DPP3: variants seen among roughly 807,000 people sequenced by gnomAD.
The protein encoded by DPP3 is dipeptidyl peptidase 3, also known as DPP III.
In DPP3, 64 loss-of-function variants were observed where a neutral mutation model predicts 89.8. The ratio of observed to expected loss-of-function variants is 0.71; its 90% CI spans 0.58 to 0.88. The LOEUF is 0.88. DPP3 is among the 40% of genes least tolerant of loss of function. DPP3 has a pLI of 0.00. For synonymous variants in DPP3, 377 were observed against 404.3 expected, an observed-to-expected ratio of 0.93 and a Z score of 0.81; for missense variants, 835 against 972.5, an observed-to-expected ratio of 0.86 and a Z score of 1.88.
At chr11:66,504,970 C>T (rs1224123927) in intron 17 of DPP3, among the ~76,000 whole-genome samples, 196 bp downstream of exon 17, 1 of 152,158 alleles carries the variant, frequency 6.6e-6, no homozygotes, top group East Asian at 1.9e-4. Context: ...CCACCACCCC[C>T]CCGACACACA....
intron 16 of DPP3, among the ~76,000 whole-genome samples, chr11:66,500,641 A>C (rs1855653862): frequency 1.3e-5 from 2 of 152,240 alleles, no homozygotes; most frequent in Admixed American, 1.3e-4. Context: ...TACGAATTTT[A>C]AGAAACAGCA....
chr11:66,498,895 C>T (rs753718794), intron 16 of DPP3, among the ~76,000 whole-genome samples: 6 of 152,068 alleles, frequency 3.9e-5, no homozygotes, highest in East Asian at 1.9e-4. Context: ...CGCCTGTGGT[C>T]GCAGCCACAC....
At chr11:66,485,682 C>G (rs1181242111) in intron 3 of DPP3, among the ~76,000 whole-genome samples, 1 of 152,184 alleles carries the variant, frequency 6.6e-6, no homozygotes, top group Non-Finnish European at 1.5e-5. Context: ...AATATGCACA[C>G]AAGTCACCTG....
At chr11:66,483,257 C>T (rs1029168838) in intron 2 of DPP3, 5 of 152,114 alleles carry the variant, frequency 3.3e-5, no homozygotes, top group African/African-American at 1.2e-4. Flanking sequence ...GAACTCCTGG[C>T]CTCAAGTGAT....
chr11:66,490,776 T>TG (rs58043034), intron 6 of DPP3, among the ~76,000 whole-genome samples: 27,093 of 150,828 alleles, frequency 0.18, 3,248 homozygotes, highest in Non-Finnish European at 0.24. Context: ...TGTTTTGTTT[T>TG]TTTTTTTTTT....
At chr11:66,508,995 A>C in intron 17 of DPP3, 84 bp from the exon 18 acceptor site, 1 of 1,524,986 alleles carries the variant, frequency 6.6e-7, no homozygotes, top group Middle Eastern at 1.7e-4. Flanking sequence ...CTGCTGCTGT[A>C]ATTGTGATTA....
chr11:66,484,817 G>A (rs1855178239), intron 2 of DPP3, among the ~76,000 whole-genome samples: 2 of 152,192 alleles, frequency 1.3e-5, no homozygotes, highest in Admixed American at 1.3e-4. Context: ...CAGGTCAGAG[G>A]CTGAGGACAG....
chr11:66,503,211 C>T (rs1855722201), intron 16 of DPP3, among the ~76,000 whole-genome samples: 1 of 151,994 alleles, frequency 6.6e-6, no homozygotes. Flanking sequence ...AGGTGATCCG[C>T]CTGCCTCGGC....
intron 16 of DPP3, among the ~76,000 whole-genome samples, chr11:66,504,347 C>G (rs1405287875): frequency 6.6e-6 from 1 of 152,094 alleles, no homozygotes; most frequent in Non-Finnish European, 1.5e-5. Flanking sequence ...CTCCTCCTCC[C>G]AAGGTACTAA....
chr11:66,508,726 T>C (rs1447031230), intron 17 of DPP3, among the ~76,000 whole-genome samples: 1 of 152,130 alleles, frequency 6.6e-6, no homozygotes. Context: ...TGTTTCATCA[T>C]GTTGGCCAAG....
At chr11:66,493,253 G>C in intron 11 of DPP3, 74 bp downstream of exon 11, 1 of 1,292,864 alleles carries the variant, frequency 7.7e-7, no homozygotes, top group Non-Finnish European at 1.1e-6. Flanking sequence ...AGACAGCCCA[G>C]AGCAGTAGAG....
intron 2 of DPP3, among the ~76,000 whole-genome samples, chr11:66,483,815 A>G (rs1855152442): frequency 6.6e-6 from 1 of 151,878 alleles, no homozygotes; most frequent in Non-Finnish European, 1.5e-5. Flanking sequence ...AAGGGATTGG[A>G]TTGTTTCTCT....
intron 4 of DPP3, 21 bp downstream of exon 4, chr11:66,486,698 G>T (rs1855239350): frequency 1.3e-6 from 2 of 1,486,064 alleles, no homozygotes; most frequent in South Asian, 1.4e-5. Flanking sequence ...TGACTCCCCC[G>T]AGGGGACAGG....
At position 66,482,332 on chromosome 11, in the gene DPP3, A is replaced by G. The variant is rs1389122900; in HGVS notation, c.132A>G (p.Gly44=). The change falls in exon 2 of 18, where the codon GGA becomes GGG. Residue 44 remains glycine (G), a synonymous_variant. Transcript: ENST00000531863. ...AYHLSRAAWY[G]GLAVLLQTSP... ...ACCTGTCCCGTGCCGCCTGGTACGGAGGCCTGGCTGTGCTGCTTCAGACCT... is the reference window on the plus strand; with the variant it reads ...ACCTGTCCCGTGCCGCCTGGTACGGGGGCCTGGCTGTGCTGCTTCAGACCT... The G allele has an allele frequency of 1.5e-5, 24 of 1,613,790 alleles. No homozygotes were observed. The highest frequency in any genetic ancestry group is 2.0e-5 in the Non-Finnish European group (24 of 1,180,024).
intron 11 of DPP3, 53 bp downstream of exon 11, chr11:66,493,232 C>T: frequency 6.6e-7 from 1 of 1,504,104 alleles, no homozygotes; most frequent in Non-Finnish European, 9.2e-7. Flanking sequence ...CCTCAGCAGA[C>T]TCAGGAAGAG....
intron 16 of DPP3, among the ~76,000 whole-genome samples, chr11:66,502,502 C>T (rs1855703512): frequency 6.6e-6 from 1 of 151,296 alleles, no homozygotes; most frequent in Non-Finnish European, 1.5e-5. Flanking sequence ...CCAAGTCTCA[C>T]TCTGTCGCCC....
Position 66,482,461 on chromosome 11 carries a change from G to A in DPP3, c.261G>A (p.Glu87=). Residue 87 remains glutamate, a synonymous_variant, in exon 2 of 18, where the codon GAG becomes GAA. Transcript: ENST00000531863. ...QHALAEGLTE[E]EYQAFLVYAA... The stretch of plus-strand genomic sequence containing the variant: ...CCCTGGCTGAAGGCCTTACCGAGGA[G>A]GAGTATCAGGTCAGTTCTCTTGGGC... 1 of 1,604,872 alleles carries A rather than the reference G, an allele frequency of 6.2e-7. No homozygotes were observed. The highest frequency in any genetic ancestry group is 8.5e-7 in the Non-Finnish European group (1 of 1,179,822).
intron 13 of DPP3, 34 bp from the exon 14 acceptor site, chr11:66,495,331 C>T (rs1367550687): frequency 1.2e-6 from 2 of 1,613,822 alleles, no homozygotes; most frequent in Non-Finnish European, 1.7e-6. Flanking sequence ...GGGCAGTGGC[C>T]ACCTTAAGCC....
At chr11:66,487,173 A>T in intron 4 of DPP3, 95 bp from the exon 5 acceptor site, 1 of 1,246,308 alleles carries the variant, frequency 8.0e-7, no homozygotes, top group Admixed American at 1.7e-5. Flanking sequence ...GAGGCTGCTG[A>T]AAGGAGGGAG....
Sources: allele counts gnomAD v4.1 joint callset (sites outside exome capture counted in the v4.1 genomes callset), GRCh38; gene constraint gnomAD v4.1.1; transcripts MANE v1.5; gene names NCBI Gene and HGNC (gene_info 2026-07-23, HGNC 2026-07-21).